Variants in CNBD1 observed in about 807,000 individuals in gnomAD.
The protein encoded by CNBD1 is cyclic nucleotide-binding domain-containing protein 1.
CNBD1 carries 71 observed loss-of-function variants against 54.4 expected under a neutral mutation model. The ratio of observed to expected loss-of-function variants is 1.30; its 90% CI spans 1.08 to 1.59. The LOEUF is 1.59. Ranked by LOEUF, CNBD1 falls within the 40% of genes most tolerant of loss-of-function variation. The pLI, the probability that CNBD1 is intolerant of heterozygous loss-of-function variation, is 0.00. For missense variants in CNBD1, 659 were observed against 518.0 expected (o/e 1.27, Z -2.64); for synonymous variants, 182 against 170.7 (o/e 1.07, Z -0.51).
intron 2 of CNBD1, among the ~76,000 whole-genome samples, chr8:87,399,827 T>G (rs992345751): frequency 6.6e-6 from 1 of 151,924 alleles, no homozygotes; most frequent in Non-Finnish European, 1.5e-5. Context: ...ATTTCAATGT[T>G]TTAACTGGTA....
At chr8:87,235,698 A>C (rs1807571854) in intron 5 of CNBD1, among the ~76,000 whole-genome samples, 1 of 152,186 alleles carries the variant, frequency 6.6e-6, no homozygotes, top group Non-Finnish European at 1.5e-5. Flanking sequence ...AAAGTTTGAA[A>C]TATTGTGAGA....
chr8:87,046,361 AC>A (rs1463181907), intron 4 of CNBD1, among the ~76,000 whole-genome samples: 1 of 152,120 alleles, frequency 6.6e-6, no homozygotes, highest in Non-Finnish European at 1.5e-5. Context: ...AGATCTCCAT[AC>A]CATGTTATGG....
At chr8:86,998,231 T>G (rs1004070257) in intron 4 of CNBD1, among the ~76,000 whole-genome samples, 1 of 151,854 alleles carries the variant, frequency 6.6e-6, no homozygotes, top group African/African-American at 2.4e-5. Context: ...TAATATATAT[T>G]GCTGATTTAT....
chr8:87,399,008 G>A (rs958103467), intron 2 of CNBD1, among the ~76,000 whole-genome samples: 1 of 151,924 alleles, frequency 6.6e-6, no homozygotes. Flanking sequence ...GAATCAAGGA[G>A]ATCCCCTCCC....
At chr8:87,369,726 T>A (rs1810724580) in intron 10 of CNBD1, among the ~76,000 whole-genome samples, 1 of 148,230 alleles carries the variant, frequency 6.7e-6, no homozygotes, top group Admixed American at 6.7e-5. Context: ...TGCTGCTTTC[T>A]TTTTTTTTTA....
At chr8:87,371,691 A>G (rs1375003866) in intron 10 of CNBD1, among the ~76,000 whole-genome samples, 2 of 152,064 alleles carry the variant, frequency 1.3e-5, no homozygotes, top group Non-Finnish European at 1.5e-5. Flanking sequence ...ATATATGCAA[A>G]TCAATAAATG....
chr8:87,276,161 C>T (rs939531973), intron 6 of CNBD1, among the ~76,000 whole-genome samples: 1 of 151,834 alleles, frequency 6.6e-6, no homozygotes, highest in Non-Finnish European at 1.5e-5. Context: ...GTTACTAATA[C>T]ATTGATATTA....
chr8:87,399,961 A>G (rs1444037771), intron 2 of CNBD1, among the ~76,000 whole-genome samples: 1 of 151,950 alleles, frequency 6.6e-6, no homozygotes, highest in Non-Finnish European at 1.5e-5. Flanking sequence ...GATAAAAGGC[A>G]GGACATAACC....
At chr8:87,385,723 A>T (rs565431707), downstream of CNBD1, among the ~76,000 whole-genome samples, 14 of 151,604 alleles carry the variant, frequency 9.2e-5, no homozygotes, top group East Asian at 2.1e-3. Context: ...GCAGCAGAAA[A>T]CTCTGCAGAC....
chr8:87,216,299 C>T (rs1232918343), intron 5 of CNBD1, among the ~76,000 whole-genome samples: 7 of 152,182 alleles, frequency 4.6e-5, no homozygotes, highest in Admixed American at 3.9e-4. Flanking sequence ...CTGAGACAAA[C>T]TCTTTCTGTG....
chr8:87,340,112 TCC>T (rs746908355), intron 8 of CNBD1, among the ~76,000 whole-genome samples: 6,624 of 152,252 alleles, frequency 0.044, 187 homozygotes, highest in Non-Finnish European at 0.06. Context: ...TCTGGAAACA[TCC>T]CTCTCGTTTT....
intron 4 of CNBD1, among the ~76,000 whole-genome samples, chr8:87,121,485 A>G (rs1461409867): frequency 6.6e-6 from 1 of 151,886 alleles, no homozygotes; most frequent in Admixed American, 6.6e-5. Context: ...GCCAATTGAC[A>G]TATTAGTCAA....
intron 4 of CNBD1, among the ~76,000 whole-genome samples, chr8:86,955,563 T>C (rs1807744457): frequency 6.6e-6 from 1 of 152,204 alleles, no homozygotes; most frequent in Non-Finnish European, 1.5e-5. Context: ...TGGTTTTGAT[T>C]TGCATTTCTC....
At chr8:87,123,917 C>T (rs1404777654) in intron 4 of CNBD1, among the ~76,000 whole-genome samples, 1 of 151,522 alleles carries the variant, frequency 6.6e-6, no homozygotes, top group Non-Finnish European at 1.5e-5. Flanking sequence ...CACATGGACC[C>T]TACCAAGACT....
chr8:86,980,473 A>G (rs1159986827), intron 4 of CNBD1, among the ~76,000 whole-genome samples: 2 of 152,022 alleles, frequency 1.3e-5, no homozygotes, highest in Non-Finnish European at 2.9e-5. Context: ...GATTTAAAAC[A>G]TATTTCGAGA....
intron 1 of CNBD1, 143 bp downstream of exon 1, chr8:86,866,726 T>C (rs1808370885): frequency 1.2e-5 from 8 of 653,564 alleles, no homozygotes; most frequent in Non-Finnish European, 2.2e-5. Context: ...GGAAAGAACA[T>C]AGATGTGTAA....
intron 3 of CNBD1, among the ~76,000 whole-genome samples, chr8:86,908,902 C>T (rs1042197632): frequency 2.6e-5 from 4 of 151,158 alleles, no homozygotes; most frequent in East Asian, 1.9e-4. Flanking sequence ...GGACTACAGG[C>T]ACCCGCCACT....
At chr8:87,337,443 G>T (rs753353860) in intron 8 of CNBD1, among the ~76,000 whole-genome samples, 3 of 152,284 alleles carry the variant, frequency 2.0e-5, no homozygotes, top group Non-Finnish European at 4.4e-5. Flanking sequence ...CACAGTGTTG[G>T]CTGCCACCCC....
At chr8:87,275,852 G>A (rs1808468087) in intron 6 of CNBD1, among the ~76,000 whole-genome samples, 1 of 151,758 alleles carries the variant, frequency 6.6e-6, no homozygotes, top group African/African-American at 2.4e-5. Context: ...ATCTCCTTAA[G>A]CTGATAAGCA....
Sources: allele counts gnomAD v4.1 joint callset (sites outside exome capture counted in the v4.1 genomes callset), GRCh38; gene constraint gnomAD v4.1.1; transcripts MANE v1.5; gene names NCBI Gene and HGNC (gene_info 2026-07-23, HGNC 2026-07-21).